Variants in TBC1D5 observed in about 807,000 individuals in gnomAD.
The protein encoded by TBC1D5 is TBC1 domain family, member 5.
In TBC1D5, 75 loss-of-function variants were observed where a neutral mutation model predicts 100.3. That is an observed-to-expected ratio of 0.75 (90% CI 0.62 to 0.91). TBC1D5 has a LOEUF of 0.91. TBC1D5 is among the 40% of genes least tolerant of loss of function. The pLI is 0.00. For missense variants in TBC1D5, 910 were observed against 942.4 expected (o/e 0.97, Z 0.45); for synonymous variants, 323 against 325.6 (o/e 0.99, Z 0.09).
chr3:17,447,020 G>C (rs1287223043), intron 3 of TBC1D5, among the ~76,000 whole-genome samples: 1 of 151,604 alleles, frequency 6.6e-6, no homozygotes, highest in Non-Finnish European at 1.5e-5. Flanking sequence ...GGAATACCAA[G>C]AGAAAATTGT....
At chr3:17,272,578 C>T (rs1022025767) in intron 15 of TBC1D5, among the ~76,000 whole-genome samples, 1 of 152,134 alleles carries the variant, frequency 6.6e-6, no homozygotes, top group Non-Finnish European at 1.5e-5. Flanking sequence ...CACAAAAAAA[C>T]TCATTACCAT....
At chr3:17,258,639 T>C in intron 15 of TBC1D5, 48 bp from the exon 16 acceptor site, 1 of 1,491,476 alleles carries the variant, frequency 6.7e-7, no homozygotes, top group Non-Finnish European at 9.3e-7. Flanking sequence ...ATTTAATCCA[T>C]TAACATATAA....
Position 17,705,979 on chromosome 3 carries a change from T to C in TBC1D5, c.-101+33364A>G, listed in dbSNP as rs1196912084. 27 of 1,411,656 alleles carry C rather than the reference T, an allele frequency of 1.9e-5. No homozygotes were observed. In the East Asian group the frequency reaches 7.3e-4, roughly 38 times the overall value. 87.4% of individuals were successfully genotyped at this position (1,411,656 alleles called of 1,614,324 possible). On this transcript the variant is annotated intron_variant, in intron 1 of 21. Transcript: ENST00000253692. Reference sequence around the variant, plus strand: ...CGGGCGGCGCTCCTCAGCATTTCTTTACTCTTTTTTTTTTTTGAGACGGAG... The same window carrying C: ...CGGGCGGCGCTCCTCAGCATTTCTTCACTCTTTTTTTTTTTTGAGACGGAG...
At position 17,570,225 on chromosome 3, in the gene TBC1D5, G is replaced by A. The variant is rs559658904; in HGVS notation, c.-36+53624C>T. Among the ~76,000 whole-genome samples, 8 of 151,996 alleles carry A rather than the reference G, an allele frequency of 5.3e-5. No individual in the cohort carries two copies. The South Asian group carries it at 1.7e-3, about 32-fold the overall frequency. ...TTTAAAAATAGTAAGCAAGAACCAA[G>A]ATACAATATATAAATTTGAAGTGTA... On this transcript the variant is annotated intron_variant, in intron 2 of 21. Transcript: ENST00000253692.
intron 3 of TBC1D5, among the ~76,000 whole-genome samples, chr3:17,434,787 T>A (rs1032160630): frequency 1.3e-5 from 2 of 152,236 alleles, no homozygotes; most frequent in Non-Finnish European, 2.9e-5. Context: ...TGCAAATTTC[T>A]GCAGTGGGCT....
At chr3:17,211,493 T>C (rs1290570249) in intron 18 of TBC1D5, among the ~76,000 whole-genome samples, 2 of 152,200 alleles carry the variant, frequency 1.3e-5, no homozygotes, top group Non-Finnish European at 2.9e-5. Flanking sequence ...AAATTTTCAG[T>C]CTTTTGCTGA....
At chr3:17,168,079 C>T (rs1009695888) in intron 19 of TBC1D5, among the ~76,000 whole-genome samples, 1 of 152,198 alleles carries the variant, frequency 6.6e-6, no homozygotes, top group Non-Finnish European at 1.5e-5. Flanking sequence ...GATGTGTCTT[C>T]ACTTCCAACA....
At chr3:17,573,177 G>A (rs117187080) in intron 2 of TBC1D5, among the ~76,000 whole-genome samples, 2,522 of 151,988 alleles carry the variant, frequency 0.017, 53 homozygotes, top group South Asian at 0.048. Context: ...TGTAGGGATG[G>A]CATTATCAAC....
At chr3:17,671,986 C>CT (rs1239406752) in intron 1 of TBC1D5, among the ~76,000 whole-genome samples, 1 of 152,182 alleles carries the variant, frequency 6.6e-6, no homozygotes, top group Non-Finnish European at 1.5e-5. Context: ...AGAAGAAATA[C>CT]TTTAAGTGAA....
intron 3 of TBC1D5, among the ~76,000 whole-genome samples, chr3:17,454,089 CT>C (rs750233068): frequency 5.3e-5 from 8 of 152,118 alleles, no homozygotes; most frequent in Non-Finnish European, 1.0e-4. Flanking sequence ...GGATAAACGC[CT>C]TTAAAAAACT....
At chr3:17,590,547 C>T (rs2096760243) in intron 2 of TBC1D5, among the ~76,000 whole-genome samples, 1 of 152,192 alleles carries the variant, frequency 6.6e-6, no homozygotes, top group African/African-American at 2.4e-5. Context: ...AGAAGATACA[C>T]CCTTGACCAA....
At position 17,688,999 on chromosome 3, in the gene TBC1D5, C is replaced by T. The variant is rs147802811; in HGVS notation, c.-101+50344G>A. Among the ~76,000 whole-genome samples, 806 of 152,248 alleles carry T rather than the reference C, an allele frequency of 5.3e-3. 3 individuals are homozygous for T. Among genetic ancestry groups the T allele is most frequent in the Middle Eastern group, 0.01 (3 of 294 alleles). Reference sequence around the variant, plus strand: ...GGTACACAGAGAATTGTTATATTGGCATTAATTCCATTGGCTGAAACTCCA... The same window carrying T: ...GGTACACAGAGAATTGTTATATTGGTATTAATTCCATTGGCTGAAACTCCA... On this transcript the variant is annotated intron_variant, in intron 1 of 21. Coordinates refer to ENST00000253692, the Ensembl canonical transcript of TBC1D5.
intron 1 of TBC1D5, among the ~76,000 whole-genome samples, chr3:17,678,842 C>T (rs1185603967): frequency 6.7e-6 from 1 of 150,270 alleles, no homozygotes; most frequent in Non-Finnish European, 1.5e-5. Flanking sequence ...CTAAAGCCTT[C>T]TAGAATATTA....
At chr3:17,357,164 G>A (rs2091293833) in intron 13 of TBC1D5, among the ~76,000 whole-genome samples, 1 of 152,166 alleles carries the variant, frequency 6.6e-6, no homozygotes, top group Non-Finnish European at 1.5e-5. Context: ...AGGGCCAAGT[G>A]AAGAGAAGGA....
chr3:17,254,991 A>T (rs575389514), intron 16 of TBC1D5, among the ~76,000 whole-genome samples: 5 of 152,212 alleles, frequency 3.3e-5, no homozygotes, highest in Non-Finnish European at 5.9e-5. Context: ...TACATGTGGG[A>T]CATCCAAGAG....
chr3:17,572,584 T>TA (rs1359292837), intron 2 of TBC1D5, among the ~76,000 whole-genome samples: 1 of 152,068 alleles, frequency 6.6e-6, no homozygotes, highest in Non-Finnish European at 1.5e-5. Context: ...CTTTCACTGA[T>TA]ACTCTATAAT....
chr3:17,605,933 T>C (rs1356095334), intron 2 of TBC1D5, among the ~76,000 whole-genome samples: 1 of 152,196 alleles, frequency 6.6e-6, no homozygotes, highest in African/African-American at 2.4e-5. Flanking sequence ...TATTATACTC[T>C]GAAAAAAATC....
At chr3:17,665,641 T>C (rs1279894315) in intron 1 of TBC1D5, among the ~76,000 whole-genome samples, 5 of 152,210 alleles carry the variant, frequency 3.3e-5, no homozygotes, top group African/African-American at 1.2e-4. Flanking sequence ...TCAATGGTTT[T>C]CCTACAATAA....
chr3:17,637,205 T>A (rs1390689925), intron 1 of TBC1D5, among the ~76,000 whole-genome samples: 3 of 141,042 alleles, frequency 2.1e-5, no homozygotes, highest in African/African-American at 7.9e-5. Flanking sequence ...TTTTTTTTTT[T>A]TTTTTTTTTT....
Sources: allele counts gnomAD v4.1 joint callset (sites outside exome capture counted in the v4.1 genomes callset), GRCh38; gene constraint gnomAD v4.1.1; transcripts MANE v1.5; gene names NCBI Gene and HGNC (gene_info 2026-07-23, HGNC 2026-07-21).